The following ARHGEF18 variants were observed in gnomAD, a reference collection of about 807,000 sequenced individuals.
ARHGEF18 encodes the protein Rho/Rac guanine nucleotide exchange factor 18, also known as rho guanine nucleotide exchange factor 18.
Under a neutral mutation model 155.7 loss-of-function variants are expected in ARHGEF18, and 93 were observed. That is an observed-to-expected ratio of 0.60 (90% CI 0.50 to 0.71). The LOEUF (loss-of-function observed/expected upper bound fraction) is 0.71, where lower values mean the gene tolerates loss of function less well. Among genes scored for constraint, ARHGEF18 ranks in the 30% least tolerant of loss-of-function variants. The pLI is 0.00. For synonymous variants in ARHGEF18, 742 were observed against 753.1 expected (o/e 0.99, Z 0.24); for missense variants, 1,593 against 1,816.1 (o/e 0.88, Z 2.23).
At chr19:7,352,351 C>A (rs955044996) in intron 1 of ARHGEF18, among the ~76,000 whole-genome samples, 1 of 151,560 alleles carries the variant, frequency 6.6e-6, no homozygotes, top group East Asian at 1.9e-4. Context: ...CAATCACCTC[C>A]TCTTTTTGGG....
rs148597690 is a variant in ARHGEF18, at chr19:7,398,812, T to C, written c.967+15609T>C. ...AAGGGGAAGTAGCACATACATTGTT[T>C]CTGGCATAGCTGTAGTATAATTTTC... On this transcript the variant is annotated intron_variant, in intron 10 of 28. Transcript: ENST00000668164. 7.6e-4 allele frequency among the ~76,000 whole-genome samples: 116 copies of C among 152,222 alleles called. No homozygotes were observed. In the East Asian group the frequency reaches 0.021, roughly 28 times the overall value.
rs1386875446 is a variant in ARHGEF18 at position 7,395,009 on chromosome 19, G to C, written c.967+11806G>C. ...CCCCCTCACCACGGCTCGGGGAGCA[G>C]CAGCCCCAGGTCCCCGGGAGCGCCC... On this transcript the variant is annotated intron_variant, in intron 10 of 28. Transcript: ENST00000668164. The surrounding 1 kb of genome is among the most constrained non-coding windows in gnomAD (Gnocchi z 5.0). 1.0e-6 allele frequency: 1 copy of C among 976,100 alleles called. No individual in the cohort carries two copies. Among genetic ancestry groups the C allele is most frequent in the East Asian group, 1.1e-4 (1 of 8,754 alleles). 60.5% of individuals were successfully genotyped at this position (976,100 alleles called of 1,614,324 possible). A position where few individuals can be genotyped will look rare whatever the true frequency, so the allele number is the denominator to read the frequency against.
chr19:7,475,332 T>C (rs1409153230), downstream of ARHGEF18, among the ~76,000 whole-genome samples: 1 of 151,838 alleles, frequency 6.6e-6, no homozygotes, highest in East Asian at 1.9e-4. Context: ...AGGGACAGAG[T>C]AGTGGTCACC....
intron 3 of ARHGEF18, among the ~76,000 whole-genome samples, chr19:7,375,010 G>A (rs945587418): frequency 4.6e-5 from 7 of 151,918 alleles, no homozygotes; most frequent in Non-Finnish European, 8.8e-5. Flanking sequence ...AGTGGCTCAC[G>A]CCTGTAATCC....
At chr19:7,457,969 T>G (rs778464846) in intron 18 of ARHGEF18, among the ~76,000 whole-genome samples, 31 of 152,182 alleles carry the variant, frequency 2.0e-4, no homozygotes, top group Non-Finnish European at 3.5e-4. Flanking sequence ...AAAAAAAAAT[T>G]TTTAAGCTGA....
At position 7,456,354 on chromosome 19, in the gene ARHGEF18, T is replaced by C. The variant is rs151093807; in HGVS notation, c.2132T>C (p.Val711Ala). ...ATCCTGGCTATCCTGCTGACCGACG[T>C]ACTTTTGCTGCTACAAGAAAAAGAT... ...KDILAILLTDVLLLLQEKDQK... is the reference protein window; with the variant it reads ...KDILAILLTDALLLLQEKDQK... The change falls in exon 18 of 29, where the codon GTA (valine) becomes GCA (alanine). Residue 711 changes from valine to alanine, a missense_variant. By Grantham distance (64) the Val-to-Ala change is moderately conservative. Coordinates refer to ENST00000668164, the MANE Select transcript of ARHGEF18 (RefSeq NM_001367823.1). 3 of 1,614,192 alleles carry C rather than the reference T, an allele frequency of 1.9e-6. No individual in the cohort carries two copies. The East Asian group carries it at 6.7e-5, about 36-fold the overall frequency.
chr19:7,394,852 A>T (rs10403781), intron 10 of ARHGEF18: 4,231 of 158,072 alleles, frequency 0.027, 197 homozygotes, highest in African/African-American at 0.097. Flanking sequence ...CCCTACTGAC[A>T]GCCAGGCTCG....
intron 18 of ARHGEF18, among the ~76,000 whole-genome samples, chr19:7,458,288 A>AAGAT (rs2145866069): frequency 7.6e-6 from 1 of 131,322 alleles, no homozygotes; most frequent in Non-Finnish European, 1.6e-5. Flanking sequence ...CCTGGCCTCC[A>AAGAT]AGATAGTTTA....
rs376042920 is a variant in ARHGEF18, at chr19:7,422,351, C to T, written c.968-17993C>T. ...ACTGCCTGTCTGCCCAGCTCCCGCC[C>T]ATGCCCCCCCGCCCCGCGCAGCCTT... On this transcript the variant is annotated intron_variant, in intron 10 of 28. Transcript: ENST00000668164. 1.8e-4 allele frequency among the ~76,000 whole-genome samples: 28 copies of T among 151,916 alleles called. 1 individual carries two copies. In the East Asian group the frequency reaches 2.5e-3, roughly 14 times the overall value.
intron 10 of ARHGEF18, among the ~76,000 whole-genome samples, chr19:7,419,321 A>T (rs1973214411): frequency 7.5e-6 from 1 of 133,576 alleles, no homozygotes; most frequent in African/African-American, 3.0e-5. Context: ...TGGCCCCCAC[A>T]CCCGGGTGTG....
chr19:7,463,862 A>G lies in ARHGEF18; in HGVS notation c.2680A>G (p.Asn894Asp). 1.2e-6 allele frequency: 2 copies of G among 1,605,828 alleles called. No individual in the cohort carries two copies. The highest frequency in any genetic ancestry group is 1.7e-6 in the Non-Finnish European group (2 of 1,176,778). The change falls in exon 22 of 29, where the codon AAC (asparagine) becomes GAC (aspartate). Residue 894 changes from asparagine (N) to aspartate (D), a missense_variant. Coordinates refer to ENST00000668164, the MANE Select transcript of ARHGEF18 (RefSeq NM_001367823.1). The surrounding 1 kb of genome is among the most constrained non-coding windows in gnomAD (Gnocchi z 5.2). ...GATCTGCAGGCAGCTGGGCAGCGCC[A>G]ACGGCCAGGCGGAAGACGGAGGCAG... is the stretch of plus-strand genomic sequence containing the variant. The part of the protein sequence containing the change: ...SLICRQLGSA[N>D]GQAEDGGSST...
Position 7,468,881 on chromosome 19 carries a change from T to G in ARHGEF18, c.3537T>G (p.Arg1179=), listed in dbSNP as rs10405143. The change falls in exon 27 of 29, where the codon CGT becomes CGG. Residue 1179 remains arginine (R), a synonymous_variant. Coordinates refer to ENST00000668164, the MANE Select transcript of ARHGEF18 (RefSeq NM_001367823.1). ...ACGGGGAAGGGCTGGAGGGCCCTCGTGTGAGCATGCTGCCATCCGGCGTGG... is the reference window on the plus strand; with the variant it reads ...ACGGGGAAGGGCTGGAGGGCCCTCGGGTGAGCATGCTGCCATCCGGCGTGG... ...SFNGEGLEGP[R]VSMLPSGVGP... The G allele has an allele frequency of 0.73, 1,139,526 of 1,571,230 alleles. 415,520 individuals are homozygous for G. Among genetic ancestry groups the G allele is most frequent in the African/African-American group, 0.88 (64,955 of 73,886 alleles).
Position 7,441,719 on chromosome 19 carries a change from C to T in ARHGEF18, c.1173C>T (p.Asp391=). Residue 391 remains aspartate, a synonymous_variant, in exon 12 of 29, where the codon GAC becomes GAT. Transcript: ENST00000668164. ...AFLKFKQTAD[D]SLSLTSPNTE... ...TAAAATTTAAGCAGACAGCTGATGA[C>T]TCTCTGTCCCTTACATCTCCAAACA... 1.2e-6 allele frequency: 2 copies of T among 1,614,190 alleles called. No individual in the cohort carries two copies. Among genetic ancestry groups the T allele is most frequent in the East Asian group, 2.2e-5 (1 of 44,882 alleles).
intron 1 of ARHGEF18, among the ~76,000 whole-genome samples, chr19:7,362,008 A>AAGAGGAAGAAGAAGAAGAAGAAGAAGG (rs1491175330): frequency 1.9e-5 from 1 of 51,304 alleles, no homozygotes; most frequent in Admixed American, 2.0e-4. Context: ...GAAGAAGAAG[A>AAGAGGAAGAAGAAGAAGAAGAAGAAGG]AGAAGAAGGA....
Position 7,441,645 on chromosome 19 carries a change from G to T in ARHGEF18, c.1107-8G>T, listed in dbSNP as rs374826291. On this transcript the variant is annotated splice_region_variant and splice_polypyrimidine_tract_variant and intron_variant, in intron 11 of 28. Transcript: ENST00000668164. ...TCTAAAACAATTGTTTTTATTGTTT[G>T]CACTCAGACCAATCACAGGAGAGAT... The T allele has an allele frequency of 5.0e-6, 8 of 1,610,928 alleles. No individual in the cohort carries two copies. The African/African-American group carries it at 1.1e-4, about 22-fold the overall frequency.
rs1052446238 is a variant in ARHGEF18, at chr19:7,469,077, G to T, written c.3733G>T (p.Gly1245Cys). The T allele has an allele frequency of 3.1e-6, 5 of 1,609,358 alleles. No homozygotes were observed. Among genetic ancestry groups the T allele is most frequent in the Non-Finnish European group, 4.2e-6 (5 of 1,178,806 alleles). The change falls in exon 27 of 29, where the codon GGT (glycine) becomes TGT (cysteine). Residue 1245 changes from glycine to cysteine, a missense_variant. Coordinates refer to ENST00000668164, the MANE Select transcript of ARHGEF18 (RefSeq NM_001367823.1). ...IPTKLAASTK[G>C]GKDKGGKSRG... is the part of the protein sequence containing the mutation. ...CACCAAGCTGGCGGCCTCCACCAAG[G>T]GTGGCAAGGACAAGGGCGGCAAGAG...
chr19:7,409,845 C>CT (rs1392299767), intron 10 of ARHGEF18, among the ~76,000 whole-genome samples: 1 of 145,504 alleles, frequency 6.9e-6, no homozygotes, highest in Middle Eastern at 3.8e-3. Flanking sequence ...CCTCAGCTTA[C>CT]TTACTGCAAC....
Position 7,467,288 on chromosome 19 carries a change from G to A in ARHGEF18, c.3084G>A (p.Arg1028=). ...TCCAGGAGCGGGAGAAGCAGTTCCG[G>A]CTGCAGTCGACGCGTGGGAACCTGC... The part of the protein sequence containing the change: ...AAIQEREKQF[R]LQSTRGNLLL... Residue 1028 remains arginine, a synonymous_variant, in exon 26 of 29, where the codon CGG becomes CGA. Coordinates refer to ENST00000668164, the MANE Select transcript of ARHGEF18 (RefSeq NM_001367823.1). The A allele has an allele frequency of 3.2e-6, 5 of 1,548,628 alleles. No homozygotes were observed. The highest frequency in any genetic ancestry group is 4.3e-6 in the Non-Finnish European group (5 of 1,150,276).
At chr19:7,380,834 T>TC in intron 7 of ARHGEF18, 83 bp from the exon 8 acceptor site, 10 of 875,994 alleles carry the variant, frequency 1.1e-5, no homozygotes, top group Non-Finnish European at 1.5e-5. Flanking sequence ...GTACCTGGTG[T>TC]ATGCCTGTAC....
Sources: gnomAD v4.1 joint callset for allele counts (sites outside exome capture counted in the v4.1 genomes callset) on GRCh38, gnomAD v4.1.1 for gene constraint, Gnocchi (gnomAD v3.1) non-coding constraint, MANE v1.5 for transcripts, NCBI Gene and HGNC (gene_info 2026-07-23, HGNC 2026-07-21) for gene names.